The following SLTM variants were observed in gnomAD, a reference collection of about 807,000 sequenced individuals.
SLTM encodes SAFB like transcription modulator.
A neutral mutation model predicts 134.6 loss-of-function variants in SLTM; 43 were observed. That is an observed-to-expected ratio of 0.32 (90% confidence interval 0.25 to 0.41). The LOEUF (loss-of-function observed/expected upper bound fraction) is 0.41. SLTM is among the 10% of genes least tolerant of loss of function. SLTM has a pLI of 1.00. For synonymous variants in SLTM, 424 were observed against 432.3 expected, an observed-to-expected ratio of 0.98 and a Z score of 0.24; for missense variants, 1,055 against 1,288.8, an observed-to-expected ratio of 0.82 and a Z score of 2.78.
rs1347903359 is a variant in SLTM at position 58,912,580 on chromosome 15, T to C, written c.544A>G (p.Thr182Ala). 8 of 1,611,798 alleles carry C rather than the reference T, an allele frequency of 5.0e-6. No homozygotes were observed. Among genetic ancestry groups the C allele is most frequent in the Non-Finnish European group, 6.8e-6 (8 of 1,178,868 alleles). ...AAACTTACTTGGGCTGTTAGAAAGG[T>C]ATCATCTTCACCTTCTTGAGCTTCA... The part of the protein sequence containing the change: ...EIEAQEGEDD[T>A]FLTAQDGEEE... The change falls in exon 5 of 21, where the codon ACC becomes GCC. Residue 182 changes from threonine (T) to alanine (A), a missense_variant. By Grantham distance (58) the Thr-to-Ala change is moderately conservative (BLOSUM62 0). This residue lies in a region of SLTM where 268 missense variants were observed against 284.3 expected (regional missense o/e 0.94). Coordinates refer to ENST00000380516, the MANE Select transcript of SLTM (RefSeq NM_024755.4).
chr15:58,904,413 T>C (rs1188071811), intron 5 of SLTM, among the ~76,000 whole-genome samples: 4 of 152,054 alleles, frequency 2.6e-5, no homozygotes, highest in African/African-American at 9.7e-5. Flanking sequence ...TAAAGTAACA[T>C]GAAGGAAACT....
chr15:58,889,998 G>T, intron 15 of SLTM: 1 of 435,800 alleles, frequency 2.3e-6, no homozygotes, highest in Non-Finnish European at 4.1e-6. Flanking sequence ...TAGTGACAGA[G>T]CCTGGATTAC....
chr15:58,917,297 T>C (rs1567149924), intron 2 of SLTM, among the ~76,000 whole-genome samples: 1 of 152,254 alleles, frequency 6.6e-6, no homozygotes, highest in Non-Finnish European at 1.5e-5. Context: ...TCCTCAGTTA[T>C]CTGAGAAGCT....
chr15:58,888,360 A>G (rs1173863172), intron 17 of SLTM, 25 bp downstream of exon 17: 1 of 1,559,542 alleles, frequency 6.4e-7, no homozygotes, highest in African/African-American at 1.4e-5. Flanking sequence ...CATAAAATAA[A>G]TATAACAATT....
chr15:58,883,323 A>AAAAAC (rs1191079760), intron 20 of SLTM, among the ~76,000 whole-genome samples: 4 of 152,210 alleles, frequency 2.6e-5, no homozygotes, highest in Non-Finnish European at 5.9e-5. Flanking sequence ...TCAAAAAACA[A>AAAAAC]AAAACAAAAC....
intron 5 of SLTM, among the ~76,000 whole-genome samples, chr15:58,904,243 C>A (rs1194768510): frequency 2.0e-5 from 3 of 152,048 alleles, no homozygotes; most frequent in Non-Finnish European, 4.4e-5. Context: ...ACTCCTGAGC[C>A]CAGGTGCTCT....
chr15:58,931,076 C>G (rs1222628711), intron 2 of SLTM, among the ~76,000 whole-genome samples: 1 of 152,164 alleles, frequency 6.6e-6, no homozygotes, highest in Non-Finnish European at 1.5e-5. Flanking sequence ...TCCTGATATA[C>G]TTATTTCTGA....
intron 3 of SLTM, among the ~76,000 whole-genome samples, chr15:58,916,178 C>CTCTT (rs1555454533): frequency 2.2e-5 from 3 of 138,676 alleles, no homozygotes; most frequent in Non-Finnish European, 4.6e-5. Flanking sequence ...CTCTCTCTCT[C>CTCTT]TTTTTTTTTT....
intron 9 of SLTM, among the ~76,000 whole-genome samples, chr15:58,896,759 T>C (rs1487882774): frequency 6.6e-6 from 1 of 152,176 alleles, no homozygotes; most frequent in African/African-American, 2.4e-5. Context: ...CACTGACTAA[T>C]AATAGTCTAA....
chr15:58,926,378 C>G (rs1294184620), intron 2 of SLTM, among the ~76,000 whole-genome samples: 1 of 152,024 alleles, frequency 6.6e-6, no homozygotes, highest in African/African-American at 2.4e-5. Context: ...AAACATAAAC[C>G]TCCTGTAAGT....
At chr15:58,931,104 T>C (rs2037848000) in intron 2 of SLTM, among the ~76,000 whole-genome samples, 1 of 152,206 alleles carries the variant, frequency 6.6e-6, no homozygotes, top group Non-Finnish European at 1.5e-5. Flanking sequence ...TCGTTTTCCA[T>C]TTTGAAATAG....
rs775898712 is a variant in SLTM, at chr15:58,889,496, T to C, written c.2138A>G (p.Gln713Arg). ...TTCTTGTTCATAACGAAGCTGCTGT[T>C]GTTGCCTTCTGAGTTCCTCTCTTTC... is the stretch of plus-strand genomic sequence containing the variant. ...AREREELRRQ[Q>R]QQLRYEQEKR... The change falls in exon 16 of 21, where the codon CAA (glutamine) becomes CGA (arginine). Residue 713 changes from glutamine to arginine, a missense_variant. By Grantham distance (43) the Gln-to-Arg change is conservative. This residue lies in a region of SLTM where 776 missense variants were observed against 962.2 expected (regional missense o/e 0.81). Transcript: ENST00000380516. 14 of 1,614,138 alleles carry C rather than the reference T, an allele frequency of 8.7e-6. No homozygotes were observed. Among genetic ancestry groups the C allele is most frequent in the Non-Finnish European group, 1.1e-5 (13 of 1,179,948 alleles).
intron 3 of SLTM, among the ~76,000 whole-genome samples, chr15:58,914,675 T>C (rs185222512): frequency 6.6e-6 from 1 of 152,320 alleles, no homozygotes; most frequent in Admixed American, 6.5e-5. Context: ...ACTTCACCTA[T>C]TCTAAGGTGC....
intron 2 of SLTM, among the ~76,000 whole-genome samples, chr15:58,919,876 G>A (rs1448551524): frequency 6.6e-6 from 1 of 152,188 alleles, no homozygotes; most frequent in African/African-American, 2.4e-5. Context: ...GAGCCTGAGA[G>A]GTTAAATACC....
intron 8 of SLTM, 151 bp downstream of exon 8, chr15:58,898,652 T>G: frequency 1.6e-6 from 1 of 610,950 alleles, no homozygotes; most frequent in Admixed American, 3.2e-5. Context: ...TATATATAAT[T>G]CCACAGTTTA....
intron 1 of SLTM, among the ~76,000 whole-genome samples, chr15:58,933,148 G>A (rs1368650093): frequency 6.6e-6 from 1 of 151,884 alleles, no homozygotes; most frequent in Non-Finnish European, 1.5e-5. Flanking sequence ...TGGCGGGGAC[G>A]TCCCGGGGAG....
intron 5 of SLTM, among the ~76,000 whole-genome samples, chr15:58,901,741 A>C (rs34689785): frequency 0.08 from 12,154 of 152,230 alleles, 711 homozygotes; most frequent in East Asian, 0.26. Flanking sequence ...AATAAACCAA[A>C]CAAACAAACA....
At position 58,932,372 on chromosome 15, in the gene SLTM, T is replaced by C. The variant is rs2037938347; in HGVS notation, c.234A>G (p.Lys78=). 3 of 1,613,200 alleles carry C rather than the reference T, an allele frequency of 1.9e-6. No homozygotes were observed. Among genetic ancestry groups the C allele is most frequent in the Non-Finnish European group, 2.5e-6 (3 of 1,179,296 alleles). Residue 78 remains lysine (K), a synonymous_variant, in exon 2 of 21, where the codon AAA becomes AAG. Coordinates refer to ENST00000380516, the MANE Select transcript of SLTM (RefSeq NM_024755.4). ...CGTAACAACCTTTGCCTTTAGTTGG[T>C]TTCTTGTTTGGAGTATCAGTTGAAA... is the stretch of plus-strand genomic sequence containing the variant. The part of the protein sequence containing the change: ...LTVSTDTPNK[K]PTKGKGKKHE...
In SLTM at chr15:58,902,646, C is replaced by A. The variant is rs549670216; in HGVS notation, c.562-1359G>T. Among the ~76,000 whole-genome samples the A allele has an allele frequency of 3.9e-5, 6 of 152,078 alleles. No homozygotes were observed. The East Asian group carries it at 1.2e-3, about 29-fold the overall frequency. ...GACTCAAGCGTTCCTCCTGCCTCAG[C>A]CTCCCAAAGTTCTAGGATTTACAGG... On this transcript the variant is annotated intron_variant, in intron 5 of 20. Coordinates refer to ENST00000380516, the MANE Select transcript of SLTM (RefSeq NM_024755.4).
Sources: gnomAD v4.1 joint callset for allele counts (sites outside exome capture counted in the v4.1 genomes callset) on GRCh38, gnomAD v4.1.1 for gene constraint, gnomAD v4.1.1 regional missense constraint, MANE v1.5 for transcripts, NCBI Gene and HGNC (gene_info 2026-07-23, HGNC 2026-07-21) for gene names.